MAN2A1: variants seen among roughly 807,000 people sequenced by gnomAD.
The protein encoded by MAN2A1 is alpha-mannosidase 2.
A neutral mutation model predicts 142.6 loss-of-function variants in MAN2A1; 76 were observed. That is an observed-to-expected ratio of 0.53 (90% CI 0.44 to 0.65). The LOEUF (loss-of-function observed/expected upper bound fraction) is 0.65, where lower values mean the gene tolerates loss of function less well. MAN2A1 is among the 30% of genes least tolerant of loss of function. The pLI is 0.00. For synonymous variants in MAN2A1, 559 were observed against 473.2 expected (o/e 1.18, Z -2.35); for missense variants, 1,311 against 1,365.1 (o/e 0.96, Z 0.62).
chr5:109,808,891 C>A (rs1270493036), intron 12 of MAN2A1, among the ~76,000 whole-genome samples: 1 of 151,742 alleles, frequency 6.6e-6, no homozygotes, highest in Non-Finnish European at 1.5e-5. Flanking sequence ...TTAGTAGAGA[C>A]AGGATGTCGC....
At chr5:109,788,113 TATA>T (rs1316155500) in intron 10 of MAN2A1, among the ~76,000 whole-genome samples, 1 of 151,372 alleles carries the variant, frequency 6.6e-6, no homozygotes, top group South Asian at 2.1e-4. Context: ...GAAAAAATAA[TATA>T]ATTGAAAACG....
In MAN2A1 at chr5:109,781,461, C is replaced by T. The variant is rs1479966026; in HGVS notation, c.1440C>T (p.Asp480=). The change falls in exon 9 of 22, where the codon GAC becomes GAT. Residue 480 remains aspartate, a synonymous_variant. Coordinates refer to ENST00000261483, the MANE Select transcript of MAN2A1 (RefSeq NM_002372.4). ...ATAAAGCAGATGAAACTCAGAGAGA[C>T]AAGGGCCAATCGATGTTCCCTGTTT... is the stretch of plus-strand genomic sequence containing the variant. ...ALDKADETQR[D]KGQSMFPVLS... 1 of 1,613,332 alleles carries T rather than the reference C, an allele frequency of 6.2e-7. No individual in the cohort carries two copies. The highest frequency in any genetic ancestry group is 1.1e-5 in the South Asian group (1 of 90,956).
At chr5:109,852,995 G>A (rs1371128000) in intron 19 of MAN2A1, among the ~76,000 whole-genome samples, 1 of 152,084 alleles carries the variant, frequency 6.6e-6, no homozygotes, top group Admixed American at 6.6e-5. Flanking sequence ...GTGCTCTTAG[G>A]GTAGTGAACC....
chr5:109,800,523 C>G (rs1014431433), intron 12 of MAN2A1, among the ~76,000 whole-genome samples: 1 of 151,850 alleles, frequency 6.6e-6, no homozygotes, highest in Non-Finnish European at 1.5e-5. Flanking sequence ...TGGAAAAGGA[C>G]GTGCATTTCA....
At chr5:109,752,240 A>G (rs1171896620) in intron 4 of MAN2A1, among the ~76,000 whole-genome samples, 1 of 152,208 alleles carries the variant, frequency 6.6e-6, no homozygotes, top group Non-Finnish European at 1.5e-5. Flanking sequence ...TCTAGATCAT[A>G]TCATCTCATA....
At position 109,781,512 on chromosome 5, in the gene MAN2A1, C is replaced by T. The variant is rs770915665; in HGVS notation, c.1491C>T (p.Ala497=). Residue 497 remains alanine (A), a synonymous_variant, in exon 9 of 22, where the codon GCC becomes GCT. Transcript: ENST00000261483. ...PVLSGDFFTY[A]DRDDHYWSGY... ...TAAGTGGAGATTTTTTCACTTATGC[C>T]GATCGAGATGATCATTACTGGAGTG... The T allele has an allele frequency of 1.3e-5, 21 of 1,612,776 alleles. No homozygotes were observed. The highest frequency in any genetic ancestry group is 4.5e-5 in the East Asian group (2 of 44,778).
At chr5:109,848,801 G>T (rs1055874460) in intron 19 of MAN2A1, among the ~76,000 whole-genome samples, 9 of 152,140 alleles carry the variant, frequency 5.9e-5, no homozygotes, top group Admixed American at 5.9e-4. Flanking sequence ...ATGGAATACA[G>T]CCTTCCTTCA....
At position 109,855,255 on chromosome 5, in the gene MAN2A1, T is replaced by A; in HGVS notation, c.3092T>A (p.Leu1031Gln). 2.5e-6 allele frequency: 4 copies of A among 1,607,792 alleles called. No individual in the cohort carries two copies. The highest frequency in any genetic ancestry group is 3.4e-6 in the Non-Finnish European group (4 of 1,177,644). The change falls in exon 20 of 22, where the codon CTG becomes CAG. Residue 1031 changes from leucine to glutamine, a missense_variant. By Grantham distance (113) the Leu-to-Gln change is moderately radical. Around this residue, in one of 3 missense-constraint regions of MAN2A1, gnomAD observed 890 missense variants for 920.5 expected, o/e 0.97. Transcript: ENST00000261483. ...AAGTTCTCCTCACCTACCCTTGAGC[T>A]GCAAGGTGAATTCTCTCCATTACAG... ...ANKFSSPTLE[L>Q]QGEFSPLQSS... is the part of the protein sequence containing the mutation.
At chr5:109,740,520 G>C (rs1398216782) in intron 4 of MAN2A1, among the ~76,000 whole-genome samples, 1 of 144,400 alleles carries the variant, frequency 6.9e-6, no homozygotes, top group Non-Finnish European at 1.5e-5. Flanking sequence ...GGTGAGGCCA[G>C]CCATGCTTGG....
At chr5:109,722,540 G>A (rs957207207) in intron 3 of MAN2A1, among the ~76,000 whole-genome samples, 2 of 152,104 alleles carry the variant, frequency 1.3e-5, no homozygotes, top group Non-Finnish European at 2.9e-5. Context: ...TCAGCCACCT[G>A]AGTAGCTGGG....
chr5:109,849,785 G>T (rs1755437867), intron 19 of MAN2A1, among the ~76,000 whole-genome samples: 1 of 151,398 alleles, frequency 6.6e-6, no homozygotes, highest in Non-Finnish European at 1.5e-5. Flanking sequence ...ATTGCTATCA[G>T]TATAAAAGTC....
chr5:109,763,254 A>G lies in MAN2A1; in HGVS notation c.836-4281A>G, dbSNP rs544749069. On this transcript the variant is annotated intron_variant, in intron 5 of 21. Coordinates refer to ENST00000261483, the MANE Select transcript of MAN2A1 (RefSeq NM_002372.4). ...GCTCAGCCTAATACAGTGGCCTTCC[A>G]TAAATTTTATTTAACATAGACCTCT... Among the ~76,000 whole-genome samples the G allele has an allele frequency of 8.5e-5, 13 of 152,304 alleles. No homozygotes were observed. In the East Asian group the frequency reaches 2.3e-3, roughly 27 times the overall value.
intron 16 of MAN2A1, among the ~76,000 whole-genome samples, chr5:109,836,249 A>G (rs1755052041): frequency 6.6e-6 from 1 of 151,718 alleles, no homozygotes; most frequent in Admixed American, 6.6e-5. Context: ...AGCTGGGATT[A>G]CAGGTGCCCA....
At chr5:109,776,394 G>A (rs1017079322) in intron 8 of MAN2A1, among the ~76,000 whole-genome samples, 10 of 152,048 alleles carry the variant, frequency 6.6e-5, no homozygotes, top group South Asian at 2.1e-4. Context: ...TAAATTATCC[G>A]TGTATTTTCC....
At chr5:109,804,195 T>A in intron 12 of MAN2A1, 1 of 987,272 alleles carries the variant, frequency 1.0e-6, no homozygotes, top group Non-Finnish European at 1.2e-6. Context: ...GGAAAAGGAT[T>A]TTAGTGAAGG....
rs1264358084 is a variant in MAN2A1, at chr5:109,845,887, G to A, written c.2723G>A (p.Ser908Asn). Residue 908 changes from serine (S) to asparagine (N), a missense_variant, in exon 18 of 22, where the codon AGC becomes AAC. By Grantham distance (46) the Ser-to-Asn change is conservative. Transcript: ENST00000261483. ...TAGATTCAACCTAGAATGACACTGA[G>A]CAAATTGCCTCTTCAAGCAAATGTC... ...GYQIQPRMTL[S>N]KLPLQANVYP... The A allele has an allele frequency of 6.2e-7, 1 of 1,613,416 alleles. No individual in the cohort carries two copies. The highest frequency in any genetic ancestry group is 1.7e-5 in the Admixed American group (1 of 59,934).
rs1291821704 is a variant in MAN2A1 at position 109,755,451 on chromosome 5, A to G, written c.830A>G (p.Asn277Ser). The G allele has an allele frequency of 4.3e-6, 7 of 1,611,164 alleles. No homozygotes were observed. Among genetic ancestry groups the G allele is most frequent in the South Asian group, 3.3e-5 (3 of 90,934 alleles). ...GAAGGACATCAGTGGCTGGAAAATAATATAGGTATGTATTGGTATATTCTT... is the reference window on the plus strand; with the variant it reads ...GAAGGACATCAGTGGCTGGAAAATAGTATAGGTATGTATTGGTATATTCTT... ...LIEGHQWLEN[N>S]IGVKPRSGWA... Residue 277 changes from asparagine (N) to serine (S), a missense_variant, in exon 5 of 22, where the codon AAT becomes AGT. Around this residue, in one of 3 missense-constraint regions of MAN2A1, gnomAD observed 409 missense variants for 412.7 expected, o/e 0.99. Transcript: ENST00000261483.
chr5:109,719,364 CCTTAA>C (rs764693690), intron 3 of MAN2A1, among the ~76,000 whole-genome samples: 26 of 152,270 alleles, frequency 1.7e-4, no homozygotes, highest in Admixed American at 5.9e-4. Flanking sequence ...TTTCACTATT[CCTTAA>C]CTTAACAAAA....
chr5:109,784,708 T>G, intron 9 of MAN2A1, 36 bp from the exon 10 acceptor site: 4 of 1,485,040 alleles, frequency 2.7e-6, no homozygotes, highest in Non-Finnish European at 3.6e-6. Context: ...CTAAAGTGTT[T>G]GTTTTAAAAT....
Sources: gnomAD v4.1 joint callset for allele counts (sites outside exome capture counted in the v4.1 genomes callset) on GRCh38, gnomAD v4.1.1 for gene constraint, gnomAD v4.1.1 regional missense constraint, MANE v1.5 for transcripts, NCBI Gene and HGNC (gene_info 2026-07-23, HGNC 2026-07-21) for gene names.